Variants in PCDHGB5 observed in about 807,000 individuals in gnomAD.
The protein encoded by PCDHGB5 is protocadherin gamma-B5.
PCDHGB5 carries 48 observed loss-of-function variants against 62.9 expected under a neutral mutation model. The ratio of observed to expected loss-of-function variants is 0.76; its 90% CI spans 0.61 to 0.97. PCDHGB5 has a LOEUF of 0.97. Ranked by LOEUF, PCDHGB5 falls within the 50% of genes least tolerant of loss-of-function variation. PCDHGB5 has a pLI of 0.00. For missense variants in PCDHGB5, 1,118 were observed against 1,198.6 expected (o/e 0.93, Z 0.99); for synonymous variants, 474 against 511.2 (o/e 0.93, Z 0.98).
In PCDHGB5 at chr5:141,490,490, C is replaced by A. The variant is rs886264588; in HGVS notation, c.2398-4317C>A. The A allele has an allele frequency of 1.2e-6, 2 of 1,614,184 alleles. No individual in the cohort carries two copies. Among genetic ancestry groups the A allele is most frequent in the Non-Finnish European group, 1.7e-6 (2 of 1,180,028 alleles). ...AGCCAGCCTTTGGACCGGGAGGCCA[C>A]ATCCCACTATATCATCGAGCTGCTG... On this transcript the variant is annotated intron_variant, in intron 1 of 3. Transcript: ENST00000617380. The surrounding 1 kb of genome is among the most constrained non-coding windows in gnomAD (Gnocchi z 5.4).
intron 1 of PCDHGB5, chr5:141,414,969 G>A (rs764972439): frequency 7.4e-6 from 12 of 1,613,954 alleles, no homozygotes; most frequent in South Asian, 1.1e-5. Context: ...TGGTGGCGGT[G>A]GACAGAGACT....
At chr5:141,404,635 A>C (rs2094549114) in intron 1 of PCDHGB5, 1 of 1,614,130 alleles carries the variant, frequency 6.2e-7, no homozygotes, top group Non-Finnish European at 8.5e-7. Context: ...ATGCCCCAGA[A>C]ATCCTGTACC....
At chr5:141,404,023 A>G in intron 1 of PCDHGB5, 1 of 1,613,874 alleles carries the variant, frequency 6.2e-7, no homozygotes, top group South Asian at 1.1e-5. Context: ...GCCCAGTGAG[A>G]GAAGACGCAC....
intron 1 of PCDHGB5, chr5:141,408,114 C>G: frequency 6.8e-7 from 1 of 1,461,086 alleles, no homozygotes; most frequent in East Asian, 2.5e-5. Flanking sequence ...CGGGACTCCT[C>G]CTGTCCTGGG....
chr5:141,426,978 G>A (rs1383521288), intron 1 of PCDHGB5: 1 of 456,770 alleles, frequency 2.2e-6, no homozygotes, highest in Non-Finnish European at 4.4e-6. Flanking sequence ...TGAGGTCACT[G>A]ATGCCAACGA....
At chr5:141,475,992 C>A in intron 1 of PCDHGB5, 1 of 1,158,844 alleles carries the variant, frequency 8.6e-7, no homozygotes, top group Non-Finnish European at 1.2e-6. Context: ...GCGAGCAAAT[C>A]AACGGCATCC....
chr5:141,456,236 T>G (rs1299029934), intron 1 of PCDHGB5, among the ~76,000 whole-genome samples: 1 of 152,120 alleles, frequency 6.6e-6, no homozygotes, highest in African/African-American at 2.4e-5. Flanking sequence ...TAACTGCTGT[T>G]AGGAGGCTTT....
At chr5:141,428,836 C>T (rs926107154) in intron 1 of PCDHGB5, 1 of 150,686 alleles carries the variant, frequency 6.6e-6, no homozygotes, top group African/African-American at 2.5e-5. Context: ...ATTTTTGAAA[C>T]ATTTTCACCA....
At chr5:141,509,404 A>C (rs1248030362) in intron 3 of PCDHGB5, among the ~76,000 whole-genome samples, 3 of 152,112 alleles carry the variant, frequency 2.0e-5, no homozygotes, top group Non-Finnish European at 4.4e-5. Context: ...CAGGGCCTCC[A>C]GCAGCGAGCC....
intron 1 of PCDHGB5, among the ~76,000 whole-genome samples, chr5:141,406,446 CTA>C: frequency 6.6e-6 from 1 of 152,200 alleles, no homozygotes; most frequent in Non-Finnish European, 1.5e-5. Context: ...TCTTCCATTT[CTA>C]TGACAGGAAA....
intron 1 of PCDHGB5, chr5:141,403,406 T>A: frequency 6.2e-7 from 1 of 1,614,058 alleles, no homozygotes; most frequent in South Asian, 1.1e-5. Flanking sequence ...TGGAGCACGT[T>A]ATCCACTTCC....
chr5:141,509,663 G>A (rs933532930), intron 3 of PCDHGB5, among the ~76,000 whole-genome samples: 1 of 152,140 alleles, frequency 6.6e-6, no homozygotes, highest in Non-Finnish European at 1.5e-5. Context: ...ACTTCTCTGG[G>A]CCCCAGTTTC....
In PCDHGB5 at chr5:141,490,390, G is replaced by C. The variant is rs2099699651; in HGVS notation, c.2398-4417G>C. The C allele has an allele frequency of 6.2e-7, 1 of 1,614,074 alleles. No individual in the cohort carries two copies. The highest frequency in any genetic ancestry group is 8.5e-7 in the Non-Finnish European group (1 of 1,180,040). On this transcript the variant is annotated intron_variant, in intron 1 of 3. Coordinates refer to ENST00000617380, the MANE Select transcript of PCDHGB5 (RefSeq NM_018925.3). This position sits in a 1 kb window ranked among gnomAD's most constrained non-coding sequence, Gnocchi z 5.4. ...AGACCGGGACTCAGGTAGAAATGGT[G>C]AAGTGAGCCTTGATATCTCTCCGGA... is the stretch of plus-strand genomic sequence containing the variant.
Position 141,434,824 on chromosome 5 carries a change from A to C in PCDHGB5, c.2397+34300A>C, listed in dbSNP as rs143305842. ...CTTGGAGAAATATATCCCTTAGTACACTTGGCATTTATAAAGCAGACATCA... is the reference window on the plus strand; with the variant it reads ...CTTGGAGAAATATATCCCTTAGTACCCTTGGCATTTATAAAGCAGACATCA... On this transcript the variant is annotated intron_variant, in intron 1 of 3. Coordinates refer to ENST00000617380, the MANE Select transcript of PCDHGB5 (RefSeq NM_018925.3). 7.9e-4 allele frequency among the ~76,000 whole-genome samples: 120 copies of C among 152,004 alleles called. 2 individuals are homozygous for C. The highest frequency in any genetic ancestry group is 2.8e-3 in the African/African-American group (115 of 41,454).
chr5:141,429,651 C>G (rs62379161), intron 1 of PCDHGB5, among the ~76,000 whole-genome samples: 5,146 of 152,188 alleles, frequency 0.034, 101 homozygotes, highest in Middle Eastern at 0.088. Context: ...TATTTCTTCC[C>G]AATTTAAAAT....
At chr5:141,458,730 C>T (rs1239174331) in intron 1 of PCDHGB5, among the ~76,000 whole-genome samples, 1 of 151,928 alleles carries the variant, frequency 6.6e-6, no homozygotes, top group Non-Finnish European at 1.5e-5. Flanking sequence ...CCACCACATC[C>T]AGCTATTGGT....
chr5:141,456,020 C>T (rs2098840631), intron 1 of PCDHGB5, among the ~76,000 whole-genome samples: 1 of 151,834 alleles, frequency 6.6e-6, no homozygotes, highest in South Asian at 2.1e-4. Flanking sequence ...GCCTCAGCCT[C>T]CCGAGTAGCT....
intron 1 of PCDHGB5, chr5:141,414,843 G>A: frequency 3.7e-6 from 6 of 1,614,218 alleles, no homozygotes; most frequent in Non-Finnish European, 5.1e-6. Context: ...GCCTGTTTGT[G>A]CTGGACCAGA....
chr5:141,461,392 A>G (rs781666201), intron 1 of PCDHGB5, among the ~76,000 whole-genome samples: 18 of 152,178 alleles, frequency 1.2e-4, no homozygotes, highest in Non-Finnish European at 2.2e-4. Context: ...ATGATTAGCG[A>G]TGTTGAGCAT....
Sources: gnomAD v4.1 joint callset for allele counts (sites outside exome capture counted in the v4.1 genomes callset) on GRCh38, gnomAD v4.1.1 for gene constraint, Gnocchi (gnomAD v3.1) non-coding constraint, MANE v1.5 for transcripts, NCBI Gene and HGNC (gene_info 2026-07-23, HGNC 2026-07-21) for gene names.